The following VDAC1 variants were observed in gnomAD, a reference collection of about 807,000 sequenced individuals.
VDAC1 encodes the protein voltage dependent anion channel 1, also known as non-selective voltage-gated ion channel VDAC1.
VDAC1 carries 10 observed loss-of-function variants against 34.7 expected under a neutral mutation model. The observed-to-expected ratio is 0.29, with a 90% CI of 0.18 to 0.49. The LOEUF (loss-of-function observed/expected upper bound fraction) is 0.49, where lower values mean the gene tolerates loss of function less well. VDAC1 is among the 20% of genes least tolerant of loss of function. The pLI, the probability that VDAC1 is intolerant of heterozygous loss-of-function variation, is 0.99. For synonymous variants in VDAC1, 130 were observed against 136.0 expected (o/e 0.96, Z 0.30); for missense variants, 230 against 347.9 (o/e 0.66, Z 2.69).
At chr5:133,998,359 T>C (rs1270574795) in intron 1 of VDAC1, among the ~76,000 whole-genome samples, 1 of 151,734 alleles carries the variant, frequency 6.6e-6, no homozygotes, top group Non-Finnish European at 1.5e-5. Flanking sequence ...AATAATTTGT[T>C]TAAGGATAAA....
At chr5:134,003,620 G>T (rs1235574439) in intron 1 of VDAC1, among the ~76,000 whole-genome samples, 1 of 149,864 alleles carries the variant, frequency 6.7e-6, no homozygotes, top group East Asian at 1.9e-4. Flanking sequence ...ACAACGCCAC[G>T]TGTAGCAAAA....
chr5:134,002,751 G>A (rs1387771199), intron 1 of VDAC1, among the ~76,000 whole-genome samples: 1 of 152,096 alleles, frequency 6.6e-6, no homozygotes, highest in Non-Finnish European at 1.5e-5. Context: ...GATTGCTTGA[G>A]GCCAGGAGTT....
the VDAC1 span, among the ~76,000 whole-genome samples, chr5:134,047,225 T>C: frequency 6.6e-6 from 1 of 152,098 alleles, no homozygotes; most frequent in African/African-American, 2.4e-5. Context: ...GCTTTTTGCA[T>C]GAAAAGCCGC....
chr5:134,040,367 G>A, the VDAC1 span, among the ~76,000 whole-genome samples: 1 of 152,220 alleles, frequency 6.6e-6, no homozygotes, highest in African/African-American at 2.4e-5. Flanking sequence ...ACGAGGTCAG[G>A]AGTTCGAAAC....
upstream of VDAC1, among the ~76,000 whole-genome samples, chr5:134,007,349 G>A (rs147642648): frequency 3.1e-3 from 478 of 152,210 alleles, 3 homozygotes; most frequent in Non-Finnish European, 4.9e-3. Flanking sequence ...GAGGTAGGAT[G>A]GCTTGAGGCC....
At chr5:134,056,740 C>G in the VDAC1 span, among the ~76,000 whole-genome samples, 1 of 152,190 alleles carries the variant, frequency 6.6e-6, no homozygotes, top group South Asian at 2.1e-4. Context: ...GGCTGGAGTG[C>G]AATGGCACGA....
At chr5:134,057,151 A>G in the VDAC1 span, among the ~76,000 whole-genome samples, 9 of 152,038 alleles carry the variant, frequency 5.9e-5, no homozygotes, top group African/African-American at 1.9e-4. Context: ...CCTGACCAAC[A>G]TGGTAAAACC....
At chr5:134,041,475 T>A in the VDAC1 span, among the ~76,000 whole-genome samples, 1 of 152,180 alleles carries the variant, frequency 6.6e-6, no homozygotes, top group Non-Finnish European at 1.5e-5. Context: ...GCCAACGTCC[T>A]AGCAGAATAT....
chr5:134,074,559 G>A, the VDAC1 span, among the ~76,000 whole-genome samples: 1 of 151,644 alleles, frequency 6.6e-6, no homozygotes, highest in Non-Finnish European at 1.5e-5. Context: ...GCAGAGGTTT[G>A]GTTGCCAGGT....
Position 133,972,515 on chromosome 5 carries a change from TA to T in VDAC1, c.*255del. On this transcript the variant is annotated 3_prime_UTR_variant, in exon 9 of 9. Transcript: ENST00000265333. ...GCTTCCACTTGCAGCCATTTCTAGATAAAAAAGAAACCTGGCATCTCAAAGG... is the reference window on the plus strand; with the variant it reads ...GCTTCCACTTGCAGCCATTTCTAGATAAAAAGAAACCTGGCATCTCAAAGG... The T allele has an allele frequency of 2.2e-6, 1 of 448,430 alleles. No individual in the cohort carries two copies. Among genetic ancestry groups the T allele is most frequent in the Non-Finnish European group, 3.9e-6 (1 of 254,968 alleles). 27.8% of individuals were successfully genotyped at this position (448,430 alleles called of 1,614,324 possible).
At chr5:134,106,279 T>C in the VDAC1 span, among the ~76,000 whole-genome samples, 2 of 152,222 alleles carry the variant, frequency 1.3e-5, no homozygotes, top group East Asian at 3.8e-4. Context: ...TGCATAATAC[T>C]AGGCATGGGT....
At chr5:134,048,298 G>A in the VDAC1 span, among the ~76,000 whole-genome samples, 2 of 145,086 alleles carry the variant, frequency 1.4e-5, no homozygotes, top group East Asian at 4.1e-4. Context: ...AGACAGTCTC[G>A]CTCTGTCGCC....
At chr5:134,012,053 GAGAA>G in the VDAC1 span, among the ~76,000 whole-genome samples, 161 of 152,068 alleles carry the variant, frequency 1.1e-3, no homozygotes, top group Admixed American at 2.0e-3. Context: ...GAAAGAAAAA[GAGAA>G]AGAAAGAAAA....
chr5:133,997,707 C>CAAA (rs67591375), intron 1 of VDAC1, among the ~76,000 whole-genome samples: 6,687 of 57,310 alleles, frequency 0.12, 512 homozygotes, highest in South Asian at 0.18. Flanking sequence ...GACTGTCTCA[C>CAAA]AAAAAAAAAA....
the VDAC1 span, among the ~76,000 whole-genome samples, chr5:134,056,111 T>G: frequency 6.6e-6 from 1 of 151,732 alleles, no homozygotes; most frequent in African/African-American, 2.4e-5. Flanking sequence ...CGTGGTGGCA[T>G]GCACCTGTAA....
the VDAC1 span, among the ~76,000 whole-genome samples, chr5:134,068,966 CTGTGTG>C: frequency 0.013 from 1,719 of 136,498 alleles, 17 homozygotes; most frequent in Middle Eastern, 0.057. Context: ...TGGGAGGTGA[CTGTGTG>C]TGTGTGTGTG....
the VDAC1 span, among the ~76,000 whole-genome samples, chr5:134,106,426 T>TTTTTA: frequency 3.3e-5 from 5 of 151,468 alleles, no homozygotes; most frequent in African/African-American, 1.2e-4. Flanking sequence ...TTTTTTTTTT[T>TTTTTA]AAATGGAGTC....
At chr5:134,041,678 AGCAAGGG>A in the VDAC1 span, among the ~76,000 whole-genome samples, 213 of 152,302 alleles carry the variant, frequency 1.4e-3, 1 homozygote, top group African/African-American at 4.5e-3. Flanking sequence ...AACATCACAC[AGCAAGGG>A]GCCTTGGAGC....
At chr5:133,989,457 T>G (rs1753021794) in intron 5 of VDAC1, among the ~76,000 whole-genome samples, 1 of 151,914 alleles carries the variant, frequency 6.6e-6, no homozygotes, top group African/African-American at 2.4e-5. Flanking sequence ...TCTCCTGGGT[T>G]CAAGCGATTC....
Sources: allele counts gnomAD v4.1 joint callset (sites outside exome capture counted in the v4.1 genomes callset), GRCh38; gene constraint gnomAD v4.1.1; transcripts MANE v1.5; gene names NCBI Gene and HGNC (gene_info 2026-07-23, HGNC 2026-07-21).